Variants in TLE3 observed in about 807,000 individuals in gnomAD.
TLE3 encodes TLE family member 3, transcriptional corepressor.
In TLE3, 14 loss-of-function variants were observed where a neutral mutation model predicts 93.0. The ratio of observed to expected loss-of-function variants is 0.15; its 90% confidence interval spans 0.10 to 0.24. TLE3 has a LOEUF of 0.24. TLE3 is among the 10% of genes least tolerant of loss of function. The pLI, the probability that TLE3 is intolerant of heterozygous loss-of-function variation, is 1.00. For synonymous variants in TLE3, 451 were observed against 425.0 expected (o/e 1.06, Z -0.75); for missense variants, 693 against 1,046.6 (o/e 0.66, Z 4.66).
chr15:70,064,923 A>G (rs1236428104), intron 7 of TLE3, among the ~76,000 whole-genome samples: 4 of 147,034 alleles, frequency 2.7e-5, no homozygotes, highest in African/African-American at 7.6e-5. Flanking sequence ...AAAAAAAAAA[A>G]GGAATTTAAC....
intron 14 of TLE3, chr15:70,055,542 A>C: frequency 2.3e-6 from 1 of 427,620 alleles, no homozygotes; most frequent in Non-Finnish European, 4.0e-6. Context: ...TCAGACCAGA[A>C]ACCCACAGGT....
In TLE3 at chr15:70,086,557, G is replaced by A. The variant is rs574625093; in HGVS notation, c.234+7975C>T. On this transcript the variant is annotated intron_variant, in intron 4 of 19. Coordinates refer to ENST00000451782, the MANE Select transcript of TLE3 (RefSeq NM_001105192.3). ...GGTATTCAGTGCTAAAACACTAGTG[G>A]GAAGAGCTCTTCTGCATTTGGGTCT... Among the ~76,000 whole-genome samples the A allele has an allele frequency of 3.9e-5, 6 of 152,264 alleles. No individual in the cohort carries two copies. In the East Asian group the frequency reaches 1.2e-3, roughly 29 times the overall value.
intron 3 of TLE3, chr15:70,094,864 G>C: frequency 2.8e-6 from 1 of 363,390 alleles, no homozygotes; most frequent in Non-Finnish European, 5.0e-6. Flanking sequence ...CAAGGTTCAG[G>C]TTCAACAGGG....
chr15:70,067,006 C>T (rs1043045817), intron 6 of TLE3: 2 of 222,838 alleles, frequency 9.0e-6, no homozygotes, highest in South Asian at 4.3e-5. Context: ...CAGCTCATGG[C>T]GCACAGCTAC....
At chr15:70,060,671 G>T in intron 8 of TLE3, 22 bp from the exon 9 acceptor site, 1 of 1,612,346 alleles carries the variant, frequency 6.2e-7, no homozygotes. Flanking sequence ...AAGAGGGTTC[G>T]GGGTTAAAAC....
intron 6 of TLE3, among the ~76,000 whole-genome samples, chr15:70,073,254 C>T (rs978716105): frequency 6.6e-6 from 1 of 152,206 alleles, no homozygotes; most frequent in African/African-American, 2.4e-5. Context: ...TCTCCCTTTA[C>T]AGATACAGAA....
At position 70,054,639 on chromosome 15, in the gene TLE3, C is replaced by T. The variant is rs771819808; in HGVS notation, c.1625G>A (p.Arg542His). ...IRSCKLLPDG[R>H]TLIVGGEAST... ...GGCCTCGCCGCCCACGATGAGCGTG[C>T]GCCCATCAGGGAGCAGCTTGCAGGA... The change falls in exon 16 of 20, where the codon CGC becomes CAC. Residue 542 changes from arginine (R) to histidine (H), a missense_variant. This residue lies in a region of TLE3 where 153 missense variants were observed against 379.9 expected (regional missense o/e 0.40). Coordinates refer to ENST00000451782, the MANE Select transcript of TLE3 (RefSeq NM_001105192.3). The T allele has an allele frequency of 5.0e-6, 8 of 1,608,258 alleles. No homozygotes were observed. The highest frequency in any genetic ancestry group is 1.1e-5 in the South Asian group (1 of 90,708).
Position 70,056,390 on chromosome 15 carries a change from A to G in TLE3, c.1252-16T>C. ...CAAAACCAACCTGTAAAGCAAGGCA[A>G]GACAGCCCTCCATCAGCCGTGCTGC... On this transcript the variant is annotated splice_polypyrimidine_tract_variant and intron_variant, in intron 13 of 19. Transcript: ENST00000451782. 1 of 1,609,286 alleles carries G rather than the reference A, an allele frequency of 6.2e-7. No individual in the cohort carries two copies. The highest frequency in any genetic ancestry group is 8.5e-7 in the Non-Finnish European group (1 of 1,177,050).
At chr15:70,054,238 C>G in intron 16 of TLE3, 200 bp downstream of exon 16, 1 of 674,420 alleles carries the variant, frequency 1.5e-6, no homozygotes. Context: ...TCTCCAACTC[C>G]TGGGCCCAAT....
chr15:70,058,663 A>C lies in TLE3; in HGVS notation c.918T>G (p.His306Gln). The C allele has an allele frequency of 6.3e-7, 1 of 1,593,258 alleles. No individual in the cohort carries two copies. Among genetic ancestry groups the C allele is most frequent in the Non-Finnish European group, 8.6e-7 (1 of 1,169,406 alleles). ...TPSSKTKDLGHNDKSSTPGLK... is the reference protein window; with the variant it reads ...TPSSKTKDLGQNDKSSTPGLK... The stretch of plus-strand genomic sequence containing the variant: ...TCCCTTCCACCCAGACCCCACATAC[A>C]TGACCAAGGTCTTTGGTCTTGGAGG... The change falls in exon 11 of 20, where the codon CAT becomes CAG. Residue 306 changes from histidine (H) to glutamine (Q), a missense_variant and splice_region_variant. Physicochemically the swap from His to Gln is conservative, Grantham distance 24 (BLOSUM62 0). This residue lies in a region of TLE3 where 405 missense variants were observed against 468.9 expected (regional missense o/e 0.86). Transcript: ENST00000451782. This position sits in a 1 kb window ranked among gnomAD's most constrained non-coding sequence, Gnocchi z 4.1.
chr15:70,062,177 A>G (rs1255747384), intron 8 of TLE3, among the ~76,000 whole-genome samples: 2 of 152,236 alleles, frequency 1.3e-5, no homozygotes, highest in Non-Finnish European at 2.9e-5. Context: ...AATGGAGGTT[A>G]TAATGGAACT....
chr15:70,052,196 A>T (rs1404441515), intron 18 of TLE3, among the ~76,000 whole-genome samples, 178 bp downstream of exon 18: 1 of 152,218 alleles, frequency 6.6e-6, no homozygotes, highest in East Asian at 1.9e-4. Flanking sequence ...CCGAGAAACA[A>T]GGATGTGGAA....
At chr15:70,088,255 G>A (rs1016713339) in intron 4 of TLE3, among the ~76,000 whole-genome samples, 13 of 152,206 alleles carry the variant, frequency 8.5e-5, no homozygotes, top group African/African-American at 3.1e-4. Context: ...AGGACCCTCA[G>A]TAGGGCAAGG....
chr15:70,096,702 G>C, intron 1 of TLE3, 73 bp downstream of exon 1: 1 of 1,589,380 alleles, frequency 6.3e-7, no homozygotes, highest in Non-Finnish European at 8.6e-7. Context: ...AAGCAAAATG[G>C]AGGTGCCAGA....
At chr15:70,059,694 A>T (rs2056336310) in intron 9 of TLE3, among the ~76,000 whole-genome samples, 1 of 152,180 alleles carries the variant, frequency 6.6e-6, no homozygotes, top group Non-Finnish European at 1.5e-5. Flanking sequence ...TCCTGTACCC[A>T]CTGGGCAGCC....
chr15:70,058,432 C>T lies in TLE3; in HGVS notation c.919-141G>A. Reference sequence around the variant, plus strand: ...CTGCCGAACAGCCTCTCAATCCTTGCCCAACCTTGTTTGGCAGGGACTGGG... The same window carrying T: ...CTGCCGAACAGCCTCTCAATCCTTGTCCAACCTTGTTTGGCAGGGACTGGG... On this transcript the variant is annotated intron_variant, in intron 11 of 19. Transcript: ENST00000451782. This position sits in a 1 kb window ranked among gnomAD's most constrained non-coding sequence, Gnocchi z 4.1. 4 of 1,425,926 alleles carry T rather than the reference C, an allele frequency of 2.8e-6. No homozygotes were observed. The highest frequency in any genetic ancestry group is 2.8e-6 in the Non-Finnish European group (3 of 1,055,752). 88.3% of individuals were successfully genotyped at this position (1,425,926 alleles called of 1,614,324 possible). A position where few individuals can be genotyped will look rare whatever the true frequency, so the allele number is the denominator to read the frequency against.
In TLE3 at chr15:70,058,792, G is replaced by A; in HGVS notation, c.789C>T (p.Ser263=). ...SNEDPATPRV[S]PAHSPPENGL... ...CATTTTCAGGAGGGGAGTGTGCCGG[G>A]CTGACCCGGGGCGTTGCGGGGTCCT... Residue 263 remains serine (S), a synonymous_variant, in exon 11 of 20, where the codon AGC becomes AGT. Transcript: ENST00000451782. This position sits in a 1 kb window ranked among gnomAD's most constrained non-coding sequence, Gnocchi z 4.1. 1 of 1,600,928 alleles carries A rather than the reference G, an allele frequency of 6.2e-7. No individual in the cohort carries two copies. The highest frequency in any genetic ancestry group is 1.7e-5 in the Admixed American group (1 of 57,436).
At chr15:70,061,787 C>T (rs2056491206) in intron 8 of TLE3, among the ~76,000 whole-genome samples, 1 of 152,204 alleles carries the variant, frequency 6.6e-6, no homozygotes, top group Non-Finnish European at 1.5e-5. Context: ...GAATGAGATA[C>T]AATCCCTGCC....
chr15:70,084,650 C>G (rs2057956230), intron 4 of TLE3, among the ~76,000 whole-genome samples: 1 of 152,232 alleles, frequency 6.6e-6, no homozygotes, highest in Non-Finnish European at 1.5e-5. Context: ...GAATTGGCCA[C>G]TGGTCTGCTG....
Sources: gnomAD v4.1 joint callset for allele counts (sites outside exome capture counted in the v4.1 genomes callset) on GRCh38, gnomAD v4.1.1 for gene constraint, gnomAD v4.1.1 regional missense constraint, Gnocchi (gnomAD v3.1) non-coding constraint, MANE v1.5 for transcripts, NCBI Gene and HGNC (gene_info 2026-07-23, HGNC 2026-07-21) for gene names.